Variants in SUMF1 observed in about 807,000 individuals in gnomAD.
SUMF1 encodes sulfatase modifying factor 1.
Under a neutral mutation model 47.6 loss-of-function variants are expected in SUMF1, and 48 were observed. The ratio of observed to expected loss-of-function variants is 1.01; its 90% CI spans 0.80 to 1.28. The LOEUF is 1.28. Among genes scored for constraint, SUMF1 ranks in the 50% most tolerant of loss-of-function variants. SUMF1 has a pLI of 0.00. For missense variants in SUMF1, 571 were observed against 485.4 expected (o/e 1.18, Z -1.66); for synonymous variants, 230 against 192.1 (o/e 1.20, Z -1.63).
intron 9 of SUMF1, among the ~76,000 whole-genome samples, chr3:4,067,375 A>G (rs1695401423): frequency 1.3e-5 from 2 of 152,146 alleles, no homozygotes; most frequent in African/African-American, 2.4e-5. Context: ...AATTTGTAGA[A>G]CGTTGCCTTC....
chr3:4,209,823 C>T (rs1417769510), intron 8 of SUMF1, among the ~76,000 whole-genome samples: 1 of 152,044 alleles, frequency 6.6e-6, no homozygotes, highest in African/African-American at 2.4e-5. Context: ...GATCACTACG[C>T]TAAAGACTAC....
intron 3 of SUMF1, among the ~76,000 whole-genome samples, chr3:4,429,595 A>C (rs1457710239): frequency 6.6e-6 from 1 of 152,246 alleles, no homozygotes; most frequent in Non-Finnish European, 1.5e-5. Context: ...GACAGGAAAA[A>C]GAGCATCCTC....
At chr3:4,444,451 G>T (rs12639439) in intron 3 of SUMF1, among the ~76,000 whole-genome samples, 43 of 152,314 alleles carry the variant, frequency 2.8e-4, no homozygotes, top group East Asian at 2.1e-3. Flanking sequence ...ATGGACATAT[G>T]TTTCAATAAT....
chr3:4,185,811 T>A (rs1695189940), intron 8 of SUMF1, among the ~76,000 whole-genome samples: 1 of 152,200 alleles, frequency 6.6e-6, no homozygotes, highest in African/African-American at 2.4e-5. Context: ...ATTACTGGAA[T>A]GATAGATAAT....
chr3:4,037,080 C>T (rs1340604078), intron 9 of SUMF1, among the ~76,000 whole-genome samples: 2 of 151,946 alleles, frequency 1.3e-5, no homozygotes, highest in Admixed American at 1.3e-4. Flanking sequence ...TCAAGTATTC[C>T]CAAACTAGAC....
At chr3:4,313,423 C>T (rs1358605456) in intron 8 of SUMF1, 1 of 1,613,962 alleles carries the variant, frequency 6.2e-7, no homozygotes, top group Non-Finnish European at 8.5e-7. Context: ...TTCTTGTGAG[C>T]CAAACCTTTT....
intron 8 of SUMF1, chr3:4,313,582 G>C (rs747854639): frequency 1.2e-6 from 2 of 1,614,024 alleles, no homozygotes; most frequent in Non-Finnish European, 1.7e-6. Context: ...GCTAGATCAT[G>C]GGAAACTAAG....
At chr3:4,267,800 A>C (rs1164911895) in intron 8 of SUMF1, among the ~76,000 whole-genome samples, 1 of 149,296 alleles carries the variant, frequency 6.7e-6, no homozygotes, top group South Asian at 2.2e-4. Context: ...ACTGTAAACT[A>C]GTTCAACCAT....
intron 8 of SUMF1, among the ~76,000 whole-genome samples, chr3:4,165,810 T>TGTG (rs55872941): frequency 1.3e-5 from 2 of 149,856 alleles, no homozygotes; most frequent in Non-Finnish European, 3.0e-5. Flanking sequence ...TGTTGATGCC[T>TGTG]GAGTGTTTCC....
At chr3:4,368,028 C>T (rs1700037486) in intron 8 of SUMF1, among the ~76,000 whole-genome samples, 1 of 151,936 alleles carries the variant, frequency 6.6e-6, no homozygotes. Flanking sequence ...GCAAAAGAAA[C>T]TACCATCAGA....
At chr3:4,448,807 G>GA (rs1427593558) in intron 3 of SUMF1, among the ~76,000 whole-genome samples, 2 of 152,142 alleles carry the variant, frequency 1.3e-5, no homozygotes, top group Non-Finnish European at 2.9e-5. Flanking sequence ...TGAACATTCA[G>GA]AACAAAGGGC....
intron 8 of SUMF1, among the ~76,000 whole-genome samples, chr3:4,177,096 T>C (rs1694983069): frequency 6.6e-6 from 1 of 152,126 alleles, no homozygotes; most frequent in African/African-American, 2.4e-5. Flanking sequence ...AATGGGAGAC[T>C]TTAATACCCC....
chr3:4,264,505 T>C (rs183007360), intron 8 of SUMF1, among the ~76,000 whole-genome samples: 53 of 151,722 alleles, frequency 3.5e-4, no homozygotes, highest in Non-Finnish European at 6.2e-4. Context: ...ATCAGAACAC[T>C]TTTTTTTTAT....
chr3:4,179,306 C>G (rs1695040391), intron 8 of SUMF1, among the ~76,000 whole-genome samples: 1 of 152,044 alleles, frequency 6.6e-6, no homozygotes, highest in African/African-American at 2.4e-5. Context: ...CTTCAGTAAC[C>G]AAAACAGCAT....
rs566049334 is a variant in SUMF1 at position 4,125,753 on chromosome 3, C to T, written c.1015-57008G>A. Among the ~76,000 whole-genome samples, 11 of 152,298 alleles carry T rather than the reference C, an allele frequency of 7.2e-5. No homozygotes were observed. The South Asian group carries it at 1.2e-3, about 17-fold the overall frequency. On this transcript the variant is annotated intron_variant and NMD_transcript_variant, in intron 8 of 12. Transcript: ENST00000448413. The stretch of plus-strand genomic sequence containing the variant: ...GCGGTGGCATGCTCACGGCTCACTG[C>T]GGCCTTGACTTCCTGGGCTCAAGCA...
At position 4,237,831 on chromosome 3, in the gene SUMF1, G is replaced by C. The variant is rs146968530; in HGVS notation, c.1014+138499C>G. 1.3e-3 allele frequency among the ~76,000 whole-genome samples: 193 copies of C among 152,220 alleles called. 1 individual carries two copies. The highest frequency in any genetic ancestry group is 4.4e-3 in the African/African-American group (181 of 41,534). Reference sequence around the variant, plus strand: ...GTGCTGGGATACATGTACAGAAAGTGCATGTTTGTTACATAGGTATACATG... The same window carrying C: ...GTGCTGGGATACATGTACAGAAAGTCCATGTTTGTTACATAGGTATACATG... On this transcript the variant is annotated intron_variant and NMD_transcript_variant, in intron 8 of 12. Transcript: ENST00000448413.
intron 1 of SUMF1, among the ~76,000 whole-genome samples, chr3:4,460,844 G>A (rs2079797371): frequency 6.6e-6 from 1 of 151,382 alleles, no homozygotes; most frequent in South Asian, 2.1e-4. Flanking sequence ...TAGTAGACAC[G>A]AGGTCTTGTT....
chr3:4,458,525 C>CAT (rs939423823), intron 1 of SUMF1, among the ~76,000 whole-genome samples: 142 of 151,866 alleles, frequency 9.4e-4, no homozygotes, highest in African/African-American at 3.1e-3. Flanking sequence ...TTTATATATA[C>CAT]ATATATATAT....
In SUMF1 at chr3:4,063,102, G is replaced by A. The variant is rs77499184; in HGVS notation, c.1191+5467C>T. 4.9e-3 allele frequency among the ~76,000 whole-genome samples: 743 copies of A among 152,110 alleles called. 7 individuals are homozygous for A. The highest frequency in any genetic ancestry group is 0.017 in the African/African-American group (711 of 41,498). ...TTGACATCTTTACATATGCCAATGCGATCTGAGAGACTACACTTTTATCAA... is the reference window on the plus strand; with the variant it reads ...TTGACATCTTTACATATGCCAATGCAATCTGAGAGACTACACTTTTATCAA... On this transcript the variant is annotated intron_variant and NMD_transcript_variant, in intron 9 of 12. Coordinates refer to the SUMF1 transcript ENST00000448413.
Sources: gnomAD v4.1 joint callset for allele counts (sites outside exome capture counted in the v4.1 genomes callset) on GRCh38, gnomAD v4.1.1 for gene constraint, MANE v1.5 for transcripts, NCBI Gene and HGNC (gene_info 2026-07-23, HGNC 2026-07-21) for gene names.